The following CDH20 variants were observed in gnomAD, a reference collection of about 807,000 sequenced individuals.
The protein encoded by CDH20 is cadherin-20.
Under a neutral mutation model 74.2 loss-of-function variants are expected in CDH20, and 29 were observed. The ratio of observed to expected loss-of-function variants is 0.39; its 90% confidence interval spans 0.29 to 0.53. The LOEUF (loss-of-function observed/expected upper bound fraction) is 0.53. Among genes scored for constraint, CDH20 ranks in the 20% least tolerant of loss-of-function variants. The probability of loss-of-function intolerance (pLI) is 0.69; values close to 1 mark genes in which losing one functional copy is unlikely to be tolerated. For missense variants in CDH20, 988 were observed against 1,048.3 expected, an observed-to-expected ratio of 0.94 and a Z score of 0.79; for synonymous variants, 469 against 405.4, an observed-to-expected ratio of 1.16 and a Z score of -1.88.
intron 3 of CDH20, among the ~76,000 whole-genome samples, chr18:61,499,955 T>A (rs7229087): frequency 0.61 from 92,495 of 151,100 alleles, 28,767 homozygotes; most frequent in Middle Eastern, 0.71. Flanking sequence ...ACCAAAAAAA[T>A]TAGCCTGGTG....
At position 61,353,518 on chromosome 18, in the gene CDH20, T is replaced by C. The variant is rs17809505; in HGVS notation, c.-153+19691T>C. On this transcript the variant is annotated intron_variant, in intron 1 of 11. Transcript: ENST00000262717. The surrounding 1 kb of genome is among the most constrained non-coding windows in gnomAD (Gnocchi z 4.6). ...CTTGTTTTTTCTAGAAGATGATCTG[T>C]AATTGTATAGACACAGCTTTACTTG... Among the ~76,000 whole-genome samples, 11,560 of 152,330 alleles carry C rather than the reference T, an allele frequency of 0.076. 516 individuals are homozygous for C. The highest frequency in any genetic ancestry group is 0.16 in the South Asian group (759 of 4,834).
chr18:61,500,728 C>G (rs1416836437), intron 4 of CDH20, among the ~76,000 whole-genome samples: 1 of 150,970 alleles, frequency 6.6e-6, no homozygotes. Context: ...GGCAAAAAGC[C>G]CCTCTGCGCA....
chr18:61,461,178 TACTC>T (rs1909754873), intron 1 of CDH20, among the ~76,000 whole-genome samples: 1 of 152,084 alleles, frequency 6.6e-6, no homozygotes, highest in Admixed American at 6.5e-5. Flanking sequence ...GGATTTTTAT[TACTC>T]ACGAGTATTC....
At chr18:61,538,020 A>G (rs1049837471) in intron 8 of CDH20, among the ~76,000 whole-genome samples, 11 of 152,220 alleles carry the variant, frequency 7.2e-5, no homozygotes, top group Non-Finnish European at 1.3e-4. Context: ...CTGTCTCTGC[A>G]TGGCAGTGCC....
At chr18:61,540,566 T>C (rs768325961) in intron 9 of CDH20, among the ~76,000 whole-genome samples, 1 of 152,164 alleles carries the variant, frequency 6.6e-6, no homozygotes, top group Non-Finnish European at 1.5e-5. Context: ...TTGTGAGACT[T>C]ATTCACTACC....
Position 61,353,892 on chromosome 18 carries a change from G to A in CDH20, c.-153+20065G>A, listed in dbSNP as rs569440925. Among the ~76,000 whole-genome samples, 2 of 152,086 alleles carry A rather than the reference G, an allele frequency of 1.3e-5. No homozygotes were observed. Among genetic ancestry groups the A allele is most frequent in the East Asian group, 3.9e-4 (2 of 5,172 alleles). On this transcript the variant is annotated intron_variant, in intron 1 of 11. Transcript: ENST00000262717. This position sits in a 1 kb window ranked among gnomAD's most constrained non-coding sequence, Gnocchi z 4.6. ...AACTCTGTAGTTCATAACCAGCCTG[G>A]GCAACATAGCAAAACCCCATCTCTA...
intron 6 of CDH20, among the ~76,000 whole-genome samples, chr18:61,522,292 T>C (rs1227628125): frequency 1.3e-5 from 2 of 152,138 alleles, no homozygotes; most frequent in African/African-American, 2.4e-5. Flanking sequence ...GAGAGCCAAA[T>C]CATGAGTGAA....
At chr18:61,532,545 TATATATATATAC>T (rs1292407769) in intron 7 of CDH20, among the ~76,000 whole-genome samples, 2 of 19,952 alleles carry the variant, frequency 1.0e-4, no homozygotes, top group South Asian at 2.3e-3. Context: ...TATATATATA[TATATATATATAC>T]ACACACACAC....
intron 1 of CDH20, among the ~76,000 whole-genome samples, chr18:61,433,068 TG>T (rs1410729730): frequency 1.6e-4 from 24 of 152,316 alleles, no homozygotes; most frequent in African/African-American, 5.8e-4. Context: ...CTTCTCAACT[TG>T]GCTATGTGAC....
At chr18:61,533,704 A>G (rs1912727490) in intron 7 of CDH20, among the ~76,000 whole-genome samples, 1 of 152,212 alleles carries the variant, frequency 6.6e-6, no homozygotes. Flanking sequence ...CCAGACCAAC[A>G]TTGTGGAGCT....
At chr18:61,469,457 AGGTG>A (rs1910087141) in intron 1 of CDH20, among the ~76,000 whole-genome samples, 1 of 152,164 alleles carries the variant, frequency 6.6e-6, no homozygotes, top group African/African-American at 2.4e-5. Flanking sequence ...TCACACACAC[AGGTG>A]ATCTGGCTGC....
chr18:61,494,737 G>A (rs1161093398), intron 2 of CDH20, among the ~76,000 whole-genome samples: 2 of 152,126 alleles, frequency 1.3e-5, no homozygotes, highest in Non-Finnish European at 2.9e-5. Context: ...CAGGGACAAG[G>A]CAGTGTCAAG....
chr18:61,538,631 T>G lies in CDH20; in HGVS notation c.1409-393T>G, dbSNP rs537654908. ...TTGTTTTTGTTTTTGTTTTGTTTTT[T>G]TTTTTGAGACGGAGTCTTACTCTTT... On this transcript the variant is annotated intron_variant, in intron 8 of 11. Transcript: ENST00000262717. 9.1e-5 allele frequency among the ~76,000 whole-genome samples: 11 copies of G among 120,692 alleles called. 2 individuals are homozygous for G. In the East Asian group the frequency reaches 9.3e-4, roughly 10 times the overall value. The allele number at this position is 120,692 out of a possible 152,430, so 79.2% of individuals were successfully genotyped here.
At chr18:61,513,639 G>A (rs1317342659) in intron 6 of CDH20, among the ~76,000 whole-genome samples, 3 of 152,060 alleles carry the variant, frequency 2.0e-5, no homozygotes, top group African/African-American at 4.8e-5. Flanking sequence ...GGCTGGTACT[G>A]GTTGTTCCTC....
At chr18:61,508,077 T>C (rs1032130660) in intron 6 of CDH20, among the ~76,000 whole-genome samples, 1 of 152,232 alleles carries the variant, frequency 6.6e-6, no homozygotes, top group African/African-American at 2.4e-5. Context: ...CACTTGAAAT[T>C]CCTTTGTTTT....
chr18:61,367,300 G>A (rs139317032), intron 1 of CDH20, among the ~76,000 whole-genome samples: 91 of 152,242 alleles, frequency 6.0e-4, no homozygotes, highest in African/African-American at 2.1e-3. Flanking sequence ...AAACCAGCAC[G>A]AAAGGAAGTC....
At chr18:61,465,744 A>T (rs1220348640) in intron 1 of CDH20, among the ~76,000 whole-genome samples, 4 of 151,278 alleles carry the variant, frequency 2.6e-5, no homozygotes, top group African/African-American at 9.8e-5. Flanking sequence ...CAGGGAAAGG[A>T]ATATTTATGC....
chr18:61,514,068 TCTC>T (rs1395258642), intron 6 of CDH20, among the ~76,000 whole-genome samples: 4 of 152,208 alleles, frequency 2.6e-5, no homozygotes, highest in African/African-American at 4.8e-5. Flanking sequence ...TTGGGGAAGT[TCTC>T]CTGGACGATA....
intron 1 of CDH20, among the ~76,000 whole-genome samples, chr18:61,369,261 G>A (rs1313066826): frequency 6.6e-6 from 1 of 152,088 alleles, no homozygotes; most frequent in African/African-American, 2.4e-5. Flanking sequence ...GGGTGGAATT[G>A]GAATATAAAG....
Sources: allele counts gnomAD v4.1 joint callset (sites outside exome capture counted in the v4.1 genomes callset), GRCh38; gene constraint gnomAD v4.1.1; non-coding constraint Gnocchi (gnomAD v3.1); transcripts MANE v1.5; gene names NCBI Gene and HGNC (gene_info 2026-07-23, HGNC 2026-07-21).